MBOAT7: variants seen among roughly 807,000 people sequenced by gnomAD.
MBOAT7 encodes the protein membrane bound acylglycerophosphatidylinositol O-acyltransferase MBOAT7, also known as membrane-bound acylglycerophosphatidylinositol O-acyltransferase MBOAT7.
MBOAT7 carries 40 observed loss-of-function variants against 47.4 expected under a neutral mutation model. The observed-to-expected ratio is 0.84, with a 90% confidence interval of 0.66 to 1.10. MBOAT7 has a LOEUF of 1.10. Among genes scored for constraint, MBOAT7 ranks in the 50% least tolerant of loss-of-function variants. The pLI is 0.00. For synonymous variants in MBOAT7, 361 were observed against 292.0 expected, an observed-to-expected ratio of 1.24 and a Z score of -2.41; for missense variants, 680 against 655.6, an observed-to-expected ratio of 1.04 and a Z score of -0.41.
At position 54,174,050 on chromosome 19, in the gene MBOAT7, C is replaced by T. The variant is rs765952180; in HGVS notation, c.1413G>A (p.Glu471=). The T allele has an allele frequency of 8.8e-6, 14 of 1,590,160 alleles. No homozygotes were observed. In the South Asian group the frequency reaches 1.6e-4, roughly 18 times the overall value. The change falls in exon 8 of 8, where the codon GAG becomes GAA. Residue 471 remains glutamate, a synonymous_variant. Coordinates refer to ENST00000245615, the MANE Select transcript of MBOAT7 (RefSeq NM_024298.5). The part of the protein sequence containing the change: ...PTSLAPEKLR[E]E ...GAGGGAGCGTCGTGACAGCTTACTC[C>T]TCCCGGAGCTTCTCCGGGGCAAGGC... is the stretch of plus-strand genomic sequence containing the variant.
In MBOAT7 at chr19:54,188,591, C is replaced by T. The variant is rs936948426; in HGVS notation, c.-3-80G>A. ...TCCTCCCTCTTCGAGGATCCAGGAA[C>T]CCAGCCTTCTAGACCCCAGTTTTTG... On this transcript the variant is annotated intron_variant, in intron 1 of 7. Coordinates refer to ENST00000245615, the MANE Select transcript of MBOAT7 (RefSeq NM_024298.5). 6 of 1,399,238 alleles carry T rather than the reference C, an allele frequency of 4.3e-6. No homozygotes were observed. The African/African-American group carries it at 5.8e-5, about 14-fold the overall frequency. 86.7% of individuals were successfully genotyped at this position (1,399,238 alleles called of 1,614,324 possible).
rs780084242 is a variant in MBOAT7, at chr19:54,174,209, G to A, written c.1254C>T (p.Ser418=). The part of the protein sequence containing the change: ...DYMCMGFVLL[S]LADTLRYWAS... ...CCCAGTACCGAAGGGTGTCGGCCAA[G>A]GAGAGCAGCACGAAGCCCATGCACA... Residue 418 remains serine, a synonymous_variant, in exon 8 of 8, where the codon TCC becomes TCT. Transcript: ENST00000245615. 1.3e-6 allele frequency: 2 copies of A among 1,598,962 alleles called. No homozygotes were observed. Among genetic ancestry groups the A allele is most frequent in the African/African-American group, 1.3e-5 (1 of 74,348 alleles).
Position 54,174,066 on chromosome 19 carries a change from G to C in MBOAT7, c.1397C>G (p.Pro466Arg), listed in dbSNP as rs148708963. The C allele has an allele frequency of 1.6e-5, 26 of 1,601,596 alleles. No individual in the cohort carries two copies. The East Asian group carries it at 4.3e-4, about 26-fold the overall frequency. ...KAASQPTSLA[P>R]EKLREE ...AGCTTACTCCTCCCGGAGCTTCTCC[G>C]GGGCAAGGCTGGTGGGCTGGGATGC... Residue 466 changes from proline to arginine, a missense_variant, in exon 8 of 8, where the codon CCG becomes CGG. Coordinates refer to ENST00000245615, the MANE Select transcript of MBOAT7 (RefSeq NM_024298.5).
intron 7 of MBOAT7, chr19:54,178,443 C>G: frequency 7.7e-7 from 1 of 1,294,150 alleles, no homozygotes; most frequent in Non-Finnish European, 9.8e-7. Flanking sequence ...AAGAGGTCAA[C>G]TAACTCCTCA....
At position 54,183,546 on chromosome 19, in the gene MBOAT7, G is replaced by A. The variant is rs779940567; in HGVS notation, c.468C>T (p.Ser156=). ...CTGTCATGATTCCCACGTAGCAGTA[G>A]CTGTAGCTGAGTGTCTCCATCAGGG... is the stretch of plus-strand genomic sequence containing the variant. The part of the protein sequence containing the change: ...VPSLMETLSY[S]YCYVGIMTGP... The change falls in exon 5 of 8, where the codon AGC becomes AGT. Residue 156 remains serine (S), a synonymous_variant. Transcript: ENST00000245615. The A allele has an allele frequency of 5.6e-6, 9 of 1,608,158 alleles. No homozygotes were observed. The East Asian group carries it at 1.8e-4, about 32-fold the overall frequency.
rs1049845024 is a variant in MBOAT7 at position 54,181,783 on chromosome 19, G to A, written c.494-650C>T. The stretch of plus-strand genomic sequence containing the variant: ...GGAAGGAGGGAGGGAAGGAGGGAAG[G>A]AAGGAGGGAGGGAGGGAAGGAGGGA... On this transcript the variant is annotated intron_variant, in intron 5 of 7. Coordinates refer to ENST00000245615, the MANE Select transcript of MBOAT7 (RefSeq NM_024298.5). 7.4e-4 allele frequency among the ~76,000 whole-genome samples: 21 copies of A among 28,240 alleles called. 1 individual carries two copies. Among genetic ancestry groups the A allele is most frequent in the Non-Finnish European group, 1.0e-3 (15 of 14,808 alleles). The allele number at this position is 28,240 out of a possible 152,430, so 18.5% of individuals were successfully genotyped here.
intron 4 of MBOAT7, among the ~76,000 whole-genome samples, chr19:54,185,464 T>C: frequency 6.6e-6 from 1 of 152,148 alleles, no homozygotes; most frequent in Non-Finnish European, 1.5e-5. Context: ...GCACCATCCC[T>C]TCTTGCTCTT....
chr19:54,175,220 T>C (rs138724599), intron 7 of MBOAT7, among the ~76,000 whole-genome samples: 2,525 of 152,256 alleles, frequency 0.017, 55 homozygotes, highest in African/African-American at 0.046. Flanking sequence ...CCTCGTGATC[T>C]GCCCGCCTTG....
At chr19:54,184,310 G>A (rs1262924422) in intron 4 of MBOAT7, among the ~76,000 whole-genome samples, 1 of 151,628 alleles carries the variant, frequency 6.6e-6, no homozygotes, top group Admixed American at 6.6e-5. Context: ...CGAACTCCTG[G>A]CCTCAAGTGA....
At chr19:54,176,643 A>G (rs1172192522) in intron 7 of MBOAT7, among the ~76,000 whole-genome samples, 1 of 152,142 alleles carries the variant, frequency 6.6e-6, no homozygotes, top group South Asian at 2.1e-4. Context: ...ACATGTCTCC[A>G]GGGATTGCCA....
In MBOAT7 at chr19:54,188,424, C is replaced by A; in HGVS notation, c.76+9G>T. On this transcript the variant is annotated intron_variant, in intron 2 of 7. Transcript: ENST00000245615. ...CTTTATTTTCCACTGGGGAGGGAGC[C>A]TGACTCACCGGCTTTCTTAAAGAGG... is the stretch of plus-strand genomic sequence containing the variant. 6.4e-7 allele frequency: 1 copy of A among 1,567,414 alleles called. No individual in the cohort carries two copies. The highest frequency in any genetic ancestry group is 8.7e-7 in the Non-Finnish European group (1 of 1,155,100).
chr19:54,181,080 CG>C lies in MBOAT7; in HGVS notation c.546del (p.Ala184GlnfsTer51), dbSNP rs2076257309. ...AGGGGCCGCAGGCTGGGCACTGCCC[CG>C]GGGAAGGGCTGCTCCAGCCAGTCCA... Reference protein sequence around the residue: ...TYLDWLEQPFPGAVPSLRPLL... With the variant: ...TYLDWLEQPFXGAVPSLRPLL... On this transcript the variant is annotated frameshift_variant, in exon 6 of 8. Coordinates refer to ENST00000245615, the MANE Select transcript of MBOAT7 (RefSeq NM_024298.5). LOFTEE classifies it high-confidence loss of function. 6.8e-7 allele frequency: 1 copy of C among 1,478,272 alleles called. No homozygotes were observed. Among genetic ancestry groups the C allele is most frequent in the Non-Finnish European group, 9.0e-7 (1 of 1,110,712 alleles). The allele number at this position is 1,478,272 out of a possible 1,614,324, so 91.6% of individuals were successfully genotyped here. A position where few individuals can be genotyped will look rare whatever the true frequency, so the allele number is the denominator to read the frequency against.
At chr19:54,182,103 G>A (rs1367293096) in intron 5 of MBOAT7, among the ~76,000 whole-genome samples, 1 of 152,012 alleles carries the variant, frequency 6.6e-6, no homozygotes, top group Non-Finnish European at 1.5e-5. Flanking sequence ...CTAGGAGATA[G>A]CTGTGGCACT....
At chr19:54,174,656 C>T (rs2076031101) in intron 7 of MBOAT7, among the ~76,000 whole-genome samples, 1 of 149,314 alleles carries the variant, frequency 6.7e-6, no homozygotes, top group African/African-American at 2.4e-5. Flanking sequence ...GACCAGACCC[C>T]ACCTCCCTCC....
chr19:54,177,914 T>G (rs1287971798), intron 7 of MBOAT7, among the ~76,000 whole-genome samples: 4,227 of 121,804 alleles, frequency 0.035, 250 homozygotes, highest in East Asian at 0.12. Flanking sequence ...TTTTTTTTTT[T>G]TTTTTTTTTT....
chr19:54,177,292 G>A (rs1211774952), intron 7 of MBOAT7, among the ~76,000 whole-genome samples: 1 of 151,576 alleles, frequency 6.6e-6, no homozygotes, highest in African/African-American at 2.4e-5. Context: ...TGTTTTTTGT[G>A]TTTTTTTGTT....
intron 7 of MBOAT7, chr19:54,178,204 C>G (rs1178035731): frequency 7.1e-6 from 7 of 986,366 alleles, no homozygotes; most frequent in African/African-American, 1.7e-5. Context: ...GCTGCCGCAC[C>G]CGGCTGAGTT....
intron 2 of MBOAT7, 27 bp from the exon 3 acceptor site, chr19:54,188,373 C>T (rs755407730): frequency 6.2e-7 from 1 of 1,608,490 alleles, no homozygotes; most frequent in African/African-American, 1.3e-5. Context: ...CAGCATAAGC[C>T]TGGAACCTTC....
At chr19:54,178,727 T>C (rs764849066) in intron 7 of MBOAT7, 38 bp downstream of exon 7, 2 of 1,606,792 alleles carry the variant, frequency 1.2e-6, no homozygotes, top group Non-Finnish European at 8.5e-7. Flanking sequence ...GGAGATGTAG[T>C]TCTGCAGTGT....
Sources: gnomAD v4.1 joint callset for allele counts (sites outside exome capture counted in the v4.1 genomes callset) on GRCh38, gnomAD v4.1.1 for gene constraint, MANE v1.5 for transcripts, NCBI Gene and HGNC (gene_info 2026-07-23, HGNC 2026-07-21) for gene names.